Variants in CNTNAP2 observed in about 807,000 individuals in gnomAD.
CNTNAP2 encodes the protein contactin associated protein 2, also known as contactin-associated protein-like 2.
A neutral mutation model predicts 155.2 loss-of-function variants in CNTNAP2; 98 were observed. That is an observed-to-expected ratio of 0.63 (90% CI 0.54 to 0.75). The LOEUF is 0.75. Ranked by LOEUF, CNTNAP2 falls within the 30% of genes least tolerant of loss-of-function variation. The pLI, the probability that CNTNAP2 is intolerant of heterozygous loss-of-function variation, is 0.00. For synonymous variants in CNTNAP2, 651 were observed against 631.2 expected (o/e 1.03, Z -0.47); for missense variants, 1,727 against 1,688.1 (o/e 1.02, Z -0.40).
chr7:147,081,583 T>TTGTGTGTGTGTGTGTG (rs5888236), intron 4 of CNTNAP2: 5 of 128,240 alleles, frequency 3.9e-5, no homozygotes, highest in African/African-American at 1.5e-4. Context: ...CCCGGCTAAT[T>TTGTGTGTGTGTGTGTG]TGTGTGTGTG....
At chr7:146,393,586 C>G (rs1245816802) in intron 1 of CNTNAP2, among the ~76,000 whole-genome samples, 1 of 152,122 alleles carries the variant, frequency 6.6e-6, no homozygotes, top group Non-Finnish European at 1.5e-5. Flanking sequence ...TCTAATGGAG[C>G]CTCCCTAACT....
intron 1 of CNTNAP2, among the ~76,000 whole-genome samples, chr7:146,344,696 C>G (rs1023784440): frequency 1.3e-5 from 2 of 152,154 alleles, no homozygotes; most frequent in African/African-American, 4.8e-5. Context: ...GCAGGCTGGT[C>G]TAGAACTCCT....
chr7:148,205,213 G>C (rs1033863435), intron 18 of CNTNAP2, among the ~76,000 whole-genome samples: 2 of 152,242 alleles, frequency 1.3e-5, no homozygotes, highest in Non-Finnish European at 1.5e-5. Flanking sequence ...GGAATATGCA[G>C]TCTAAGTACA....
intron 9 of CNTNAP2, chr7:147,378,047 A>C (rs1478761955): frequency 2.1e-5 from 10 of 467,806 alleles, no homozygotes; most frequent in Non-Finnish European, 3.1e-5. Context: ...TTCCAAAAGT[A>C]ATTACAGTTT....
intron 1 of CNTNAP2, among the ~76,000 whole-genome samples, chr7:146,758,244 T>C (rs1164983550): frequency 1.3e-5 from 2 of 152,194 alleles, no homozygotes; most frequent in African/African-American, 4.8e-5. Context: ...TTTCTGTACC[T>C]TTGCTTGTTT....
chr7:146,306,769 C>A (rs1245601950), intron 1 of CNTNAP2, among the ~76,000 whole-genome samples: 1 of 152,128 alleles, frequency 6.6e-6, no homozygotes, highest in African/African-American at 2.4e-5. Context: ...AGGCCTTTGA[C>A]AAAATGCAAC....
intron 13 of CNTNAP2, among the ~76,000 whole-genome samples, chr7:147,812,364 A>G (rs1798194589): frequency 6.6e-6 from 1 of 152,172 alleles, no homozygotes. Context: ...TGTTAAAATA[A>G]CATCTAACTC....
At chr7:147,353,436 G>A (rs1796004064) in intron 9 of CNTNAP2, among the ~76,000 whole-genome samples, 1 of 151,934 alleles carries the variant, frequency 6.6e-6, no homozygotes, top group South Asian at 2.1e-4. Flanking sequence ...TGAGAATGAT[G>A]GTTTCCAGCT....
chr7:148,331,749 A>AGGGG (rs1563046034), intron 21 of CNTNAP2, among the ~76,000 whole-genome samples: 1 of 109,874 alleles, frequency 9.1e-6, no homozygotes, highest in African/African-American at 3.4e-5. Flanking sequence ...GGATGGATGG[A>AGGGG]ACGGACGGAT....
chr7:146,464,433 G>A (rs1796687164), intron 1 of CNTNAP2, among the ~76,000 whole-genome samples: 1 of 152,024 alleles, frequency 6.6e-6, no homozygotes. Context: ...GAGAATAGAA[G>A]AAAACCTCTT....
chr7:147,797,521 G>A (rs1253325535), intron 13 of CNTNAP2, among the ~76,000 whole-genome samples: 1 of 151,920 alleles, frequency 6.6e-6, no homozygotes, highest in Non-Finnish European at 1.5e-5. Flanking sequence ...CCCCCAATAT[G>A]TTTCATAAAA....
At chr7:146,410,400 T>G (rs1421088051) in intron 1 of CNTNAP2, among the ~76,000 whole-genome samples, 1 of 152,208 alleles carries the variant, frequency 6.6e-6, no homozygotes, top group Non-Finnish European at 1.5e-5. Context: ...TTTGCTGACT[T>G]CTGCCCTACA....
chr7:146,511,200 G>T (rs962169313), intron 1 of CNTNAP2, among the ~76,000 whole-genome samples: 1 of 152,112 alleles, frequency 6.6e-6, no homozygotes, highest in African/African-American at 2.4e-5. Context: ...ACCCAGCCAG[G>T]TTTTTCTTAA....
intron 1 of CNTNAP2, among the ~76,000 whole-genome samples, chr7:146,468,593 G>A (rs934868530): frequency 5.9e-5 from 9 of 152,142 alleles, no homozygotes; most frequent in Non-Finnish European, 1.0e-4. Context: ...TCTTGCTGTT[G>A]TGCTGAAGTT....
At position 147,292,245 on chromosome 7, in the gene CNTNAP2, C is replaced by T. The variant is rs192399081; in HGVS notation, c.1349-7896C>T. Among the ~76,000 whole-genome samples, 68 of 152,218 alleles carry T rather than the reference C, an allele frequency of 4.5e-4. 2 individuals are homozygous for T. Among genetic ancestry groups the T allele is most frequent in the Admixed American group, 3.9e-3 (59 of 15,280 alleles). ...AGTAGAAGTCAAAAATACATCTTCTCTGTATTTATCCAGTTGTTCTGGCAT... is the reference window on the plus strand; with the variant it reads ...AGTAGAAGTCAAAAATACATCTTCTTTGTATTTATCCAGTTGTTCTGGCAT... On this transcript the variant is annotated intron_variant, in intron 8 of 23. Transcript: ENST00000361727.
intron 4 of CNTNAP2, among the ~76,000 whole-genome samples, chr7:147,048,869 T>G (rs1038509741): frequency 6.6e-6 from 1 of 152,224 alleles, no homozygotes; most frequent in African/African-American, 2.4e-5. Flanking sequence ...CTATTGTTTT[T>G]TCTTAGTTTG....
intron 13 of CNTNAP2, among the ~76,000 whole-genome samples, chr7:147,879,319 C>G (rs1922892): frequency 2.0e-5 from 3 of 151,844 alleles, no homozygotes; most frequent in Non-Finnish European, 4.4e-5. Context: ...GCATTCAGAG[C>G]CAGGGTCACA....
chr7:147,591,413 T>C (rs1045305934), intron 12 of CNTNAP2, among the ~76,000 whole-genome samples: 11 of 152,180 alleles, frequency 7.2e-5, no homozygotes, highest in Non-Finnish European at 1.5e-4. Flanking sequence ...AAGGCTCACC[T>C]TCCTGGCCTC....
intron 3 of CNTNAP2, among the ~76,000 whole-genome samples, chr7:146,905,877 T>C (rs1371724895): frequency 6.6e-6 from 1 of 151,954 alleles, no homozygotes; most frequent in East Asian, 1.9e-4. Flanking sequence ...CTGGAAATCA[T>C]CTGAGGTACC....
Sources: allele counts gnomAD v4.1 joint callset (sites outside exome capture counted in the v4.1 genomes callset), GRCh38; gene constraint gnomAD v4.1.1; transcripts MANE v1.5; gene names NCBI Gene and HGNC (gene_info 2026-07-23, HGNC 2026-07-21).